RCL1: variants seen among roughly 807,000 people sequenced by gnomAD.
RCL1 encodes the protein RNA terminal phosphate cyclase like 1, also known as RNA 3'-terminal phosphate cyclase-like protein.
In RCL1, 24 loss-of-function variants were observed where a neutral mutation model predicts 42.4. The ratio of observed to expected loss-of-function variants is 0.57; its 90% CI spans 0.41 to 0.80. The LOEUF (loss-of-function observed/expected upper bound fraction) is 0.80, where lower values mean the gene tolerates loss of function less well. RCL1 is among the 30% of genes least tolerant of loss of function. RCL1 has a pLI of 0.00. For synonymous variants in RCL1, 228 were observed against 177.3 expected, an observed-to-expected ratio of 1.29 and a Z score of -2.27; for missense variants, 578 against 467.9, an observed-to-expected ratio of 1.24 and a Z score of -2.17.
chr9:4,826,436 A>T (rs945015055), intron 2 of RCL1, among the ~76,000 whole-genome samples: 4 of 148,402 alleles, frequency 2.7e-5, no homozygotes, highest in Admixed American at 6.8e-5. Flanking sequence ...TGAATGAGGT[A>T]TATGAGAAAT....
intron 1 of RCL1, among the ~76,000 whole-genome samples, chr9:4,803,161 C>A (rs1051081373): frequency 1.3e-5 from 2 of 152,070 alleles, no homozygotes; most frequent in African/African-American, 4.8e-5. Context: ...ATGTTAAAGA[C>A]ATAAACAAGG....
chr9:4,860,017 C>T, intron 8 of RCL1, 108 bp from the exon 9 acceptor site: 4 of 700,548 alleles, frequency 5.7e-6, no homozygotes, highest in Non-Finnish European at 8.9e-6. Flanking sequence ...GTCTTAACTT[C>T]AGCCCTCTAG....
At chr9:4,843,372 A>G (rs546267233) in intron 6 of RCL1, among the ~76,000 whole-genome samples, 16 of 144,344 alleles carry the variant, frequency 1.1e-4, no homozygotes, top group African/African-American at 4.0e-4. Flanking sequence ...TAACTCTCAC[A>G]GTAATTTTTT....
chr9:4,813,330 A>C lies in RCL1; in HGVS notation c.137-10218A>C, dbSNP rs1428804131. The stretch of plus-strand genomic sequence containing the variant: ...TCCAGAATCTACAAAGAACTTAAAC[A>C]AATTTACAAGAAAAAAATCAAACAA... On this transcript the variant is annotated intron_variant, in intron 1 of 8. Coordinates refer to ENST00000381750, the MANE Select transcript of RCL1 (RefSeq NM_005772.5). Among the ~76,000 whole-genome samples the C allele has an allele frequency of 3.3e-5, 5 of 152,222 alleles. No individual in the cohort carries two copies. In the East Asian group the frequency reaches 9.6e-4, roughly 29 times the overall value.
intron 3 of RCL1, among the ~76,000 whole-genome samples, chr9:4,830,013 T>C (rs1816897107): frequency 6.6e-6 from 1 of 152,128 alleles, no homozygotes; most frequent in South Asian, 2.1e-4. Context: ...AATGAGTGTT[T>C]AAGGTGTGAG....
intron 5 of RCL1, among the ~76,000 whole-genome samples, chr9:4,837,947 C>T (rs1440961684): frequency 1.3e-5 from 2 of 152,210 alleles, no homozygotes; most frequent in Admixed American, 6.5e-5. Flanking sequence ...TTTCTCAGAT[C>T]CCTGTCTGTT....
intron 3 of RCL1, among the ~76,000 whole-genome samples, chr9:4,829,790 G>A (rs77274728): frequency 0.046 from 6,947 of 152,254 alleles, 247 homozygotes; most frequent in African/African-American, 0.096. Context: ...TTTACATTAT[G>A]ATAGGGCAGT....
chr9:4,817,898 C>G (rs1302554817), intron 1 of RCL1, among the ~76,000 whole-genome samples: 4 of 127,000 alleles, frequency 3.1e-5, no homozygotes, highest in South Asian at 2.5e-4. Context: ...TCATTTTGCT[C>G]TTACTTTTCT....
chr9:4,844,723 CAGTT>C (rs1393544237), intron 7 of RCL1, 42 bp downstream of exon 7: 1 of 1,577,470 alleles, frequency 6.3e-7, no homozygotes, highest in African/African-American at 1.4e-5. Flanking sequence ...GACCAGGAAG[CAGTT>C]TGTTTTCTCA....
intron 1 of RCL1, among the ~76,000 whole-genome samples, chr9:4,814,207 A>C (rs1435330753): frequency 2.5e-5 from 3 of 120,192 alleles, no homozygotes; most frequent in Non-Finnish European, 5.7e-5. Context: ...AGTTTGTCAT[A>C]TACAGCCTTT....
chr9:4,836,596 C>T lies in RCL1; in HGVS notation c.584+2331C>T, dbSNP rs561049636. On this transcript the variant is annotated intron_variant, in intron 5 of 8. Coordinates refer to ENST00000381750, the MANE Select transcript of RCL1 (RefSeq NM_005772.5). ...GCAAGACAGGCTGTGGGATGACTTT[C>T]CTGGCGGGAGTGTGACAAGGAGGGC... The T allele has an allele frequency of 2.6e-5, 4 of 151,734 alleles. No homozygotes were observed. The South Asian group carries it at 8.4e-4, about 32-fold the overall frequency. The allele number at this position is 151,734 out of a possible 1,614,324, so 9.4% of individuals were successfully genotyped here.
At chr9:4,804,873 C>G (rs971453836) in intron 1 of RCL1, 2 of 153,314 alleles carry the variant, frequency 1.3e-5, no homozygotes, top group South Asian at 2.0e-4. Flanking sequence ...CCAACTCAGC[C>G]GCTCTCCCAA....
intron 8 of RCL1, among the ~76,000 whole-genome samples, chr9:4,855,186 C>T (rs1038137814): frequency 1.3e-4 from 20 of 151,742 alleles, no homozygotes; most frequent in African/African-American, 3.6e-4. Flanking sequence ...CATTTTGTCC[C>T]GGGGAAAAAA....
intron 1 of RCL1, among the ~76,000 whole-genome samples, chr9:4,814,824 T>C (rs1277280246): frequency 6.6e-6 from 1 of 152,206 alleles, no homozygotes; most frequent in Admixed American, 6.5e-5. Flanking sequence ...GTAATGAATT[T>C]CCTCAGTTTT....
chr9:4,801,809 C>G (rs116749454), intron 1 of RCL1, among the ~76,000 whole-genome samples: 1,790 of 149,856 alleles, frequency 0.012, 31 homozygotes, highest in African/African-American at 0.042. Context: ...TGCTTTTGTG[C>G]CTTTGTACAA....
intron 7 of RCL1, among the ~76,000 whole-genome samples, chr9:4,847,193 G>T (rs1333906428): frequency 1.3e-5 from 2 of 152,028 alleles, no homozygotes; most frequent in East Asian, 1.9e-4. Flanking sequence ...TTTTTCTTTA[G>T]TTGAGATCTA....
intron 1 of RCL1, among the ~76,000 whole-genome samples, chr9:4,822,655 A>G (rs1431964514): frequency 1.3e-5 from 2 of 151,414 alleles, no homozygotes; most frequent in Non-Finnish European, 2.9e-5. Flanking sequence ...CTATCTCTAC[A>G]AAAATAAAAT....
At chr9:4,797,628 A>G (rs969393323) in intron 1 of RCL1, among the ~76,000 whole-genome samples, 2 of 152,206 alleles carry the variant, frequency 1.3e-5, no homozygotes, top group Non-Finnish European at 1.5e-5. Flanking sequence ...AGAATTATCC[A>G]TTCAAAATGT....
Position 4,827,323 on chromosome 9 carries a change from C to T in RCL1, c.384+290C>T, listed in dbSNP as rs561156851. On this transcript the variant is annotated intron_variant, in intron 3 of 8. Transcript: ENST00000381750. ...ATCATAGTTGACATGAACTATAGTT[C>T]TGCTGGCTGTATATGTGAGAGTGGA... The T allele has an allele frequency of 4.3e-6, 5 of 1,167,086 alleles. No individual in the cohort carries two copies. The East Asian group carries it at 1.0e-4, about 24-fold the overall frequency. 72.3% of individuals were successfully genotyped at this position (1,167,086 alleles called of 1,614,324 possible). A position where few individuals can be genotyped will look rare whatever the true frequency, so the allele number is the denominator to read the frequency against.
Sources: gnomAD v4.1 joint callset for allele counts (sites outside exome capture counted in the v4.1 genomes callset) on GRCh38, gnomAD v4.1.1 for gene constraint, MANE v1.5 for transcripts, NCBI Gene and HGNC (gene_info 2026-07-23, HGNC 2026-07-21) for gene names.